DGLUCY: variants seen among roughly 807,000 people sequenced by gnomAD.
DGLUCY encodes the protein D-glutamate cyclase, mitochondrial.
In DGLUCY, 58 loss-of-function variants were observed where a neutral mutation model predicts 58.5. That is an observed-to-expected ratio of 0.99 (90% CI 0.80 to 1.23). The LOEUF (loss-of-function observed/expected upper bound fraction) is 1.23, where lower values mean the gene tolerates loss of function less well. Ranked by LOEUF, DGLUCY falls within the 50% of genes most tolerant of loss-of-function variation. DGLUCY has a pLI of 0.00. For synonymous variants in DGLUCY, 325 were observed against 314.1 expected (o/e 1.03, Z -0.37); for missense variants, 779 against 784.7 (o/e 0.99, Z 0.09).
chr14:91,214,855 T>G (rs1886268319), intron 12 of DGLUCY, among the ~76,000 whole-genome samples: 1 of 151,590 alleles, frequency 6.6e-6, no homozygotes, highest in Admixed American at 6.6e-5. Flanking sequence ...TAAAAAAAAT[T>G]AAAAATAAAA....
At chr14:91,177,735 C>T (rs753322273) in intron 7 of DGLUCY, among the ~76,000 whole-genome samples, 2 of 152,240 alleles carry the variant, frequency 1.3e-5, no homozygotes, top group Non-Finnish European at 2.9e-5. Flanking sequence ...TCAGAATGGC[C>T]TCATGCGAGG....
chr14:91,154,608 T>G lies in DGLUCY; in HGVS notation c.-81-3031T>G, dbSNP rs187134222. On this transcript the variant is annotated intron_variant, in intron 1 of 13. Transcript: ENST00000256324. ...AGGCTTGCGCAGTTCCCAGCTTGACTTTTCCCTTTGGCTTAGTGATTTTGG... is the reference window on the plus strand; with the variant it reads ...AGGCTTGCGCAGTTCCCAGCTTGACGTTTCCCTTTGGCTTAGTGATTTTGG... Among the ~76,000 whole-genome samples, 1,183 of 152,278 alleles carry G rather than the reference T, an allele frequency of 7.8e-3. 13 individuals carry two copies. Among genetic ancestry groups the G allele is most frequent in the African/African-American group, 0.027 (1,102 of 41,544 alleles).
Position 91,213,707 on chromosome 14 carries a change from T to C in DGLUCY, c.1565-1698T>C, listed in dbSNP as rs1886080844. On this transcript the variant is annotated intron_variant, in intron 12 of 13. Transcript: ENST00000256324. ...TCACTGAAGATTGTTTGTTTGTTTG[T>C]TTGTTTGTTTGTTACGGAGTCTTGG... is the stretch of plus-strand genomic sequence containing the variant. Among the ~76,000 whole-genome samples the C allele has an allele frequency of 1.3e-5, 2 of 151,988 alleles. 1 individual carries two copies. Among genetic ancestry groups the C allele is most frequent in the South Asian group, 4.2e-4 (2 of 4,818 alleles).
intron 1 of DGLUCY, among the ~76,000 whole-genome samples, chr14:91,082,054 A>C (rs1439676192): frequency 6.6e-6 from 1 of 152,160 alleles, no homozygotes; most frequent in South Asian, 2.1e-4. Flanking sequence ...TTCATCACGT[A>C]AAGTAACATA....
intron 1 of DGLUCY, among the ~76,000 whole-genome samples, chr14:91,087,089 T>G (rs2044234397): frequency 1.3e-5 from 2 of 151,894 alleles, no homozygotes; most frequent in Admixed American, 1.3e-4. Context: ...GTGAACAGAG[T>G]CTAGAAGTTT....
At chr14:91,083,229 C>T (rs952147459) in intron 1 of DGLUCY, among the ~76,000 whole-genome samples, 1 of 152,100 alleles carries the variant, frequency 6.6e-6, no homozygotes, top group African/African-American at 2.4e-5. Context: ...ACTTAAAGAA[C>T]AAAGAGAGAA....
At chr14:91,084,161 C>T (rs767129033) in intron 1 of DGLUCY, among the ~76,000 whole-genome samples, 61 of 151,098 alleles carry the variant, frequency 4.0e-4, no homozygotes, top group South Asian at 1.5e-3. Context: ...CCCATCTATT[C>T]GATTCCAAGC....
rs1044825300 is a variant in DGLUCY, at chr14:91,167,825, G to A, written c.257+447G>A. Reference sequence around the variant, plus strand: ...CTGGGTCGGTGTACCTCTCCCACGAGTCTACCTTTCCTATGGCACCAGCAC... The same window carrying A: ...CTGGGTCGGTGTACCTCTCCCACGAATCTACCTTTCCTATGGCACCAGCAC... On this transcript the variant is annotated intron_variant, in intron 4 of 13. Coordinates refer to ENST00000256324, the MANE Select transcript of DGLUCY (RefSeq NM_001102368.3). The A allele has an allele frequency of 3.3e-5, 20 of 615,302 alleles. No individual in the cohort carries two copies. The African/African-American group carries it at 3.7e-4, about 11-fold the overall frequency. 38.1% of individuals were successfully genotyped at this position (615,302 alleles called of 1,614,324 possible).
chr14:91,181,427 A>G, intron 8 of DGLUCY, 38 bp downstream of exon 8: 1 of 1,581,146 alleles, frequency 6.3e-7, no homozygotes, highest in Non-Finnish European at 8.6e-7. Context: ...AGACCCAGGT[A>G]AGAAACAACA....
upstream of DGLUCY, among the ~76,000 whole-genome samples, chr14:91,113,377 A>G (rs1333287698): frequency 2.6e-5 from 4 of 152,224 alleles, no homozygotes; most frequent in African/African-American, 9.6e-5. Context: ...TCCAAGGGTC[A>G]ATTGTATGGG....
intron 1 of DGLUCY, among the ~76,000 whole-genome samples, chr14:91,085,565 T>G (rs1336200278): frequency 6.8e-6 from 1 of 147,830 alleles, no homozygotes; most frequent in Non-Finnish European, 1.5e-5. Context: ...TTTTTTTTGT[T>G]TTTTTTTTTT....
chr14:91,201,574 G>A (rs901074605), intron 11 of DGLUCY, among the ~76,000 whole-genome samples: 4 of 152,040 alleles, frequency 2.6e-5, no homozygotes, highest in African/African-American at 9.7e-5. Flanking sequence ...TGGGATTACA[G>A]GTGTAAGCCA....
intron 1 of DGLUCY, among the ~76,000 whole-genome samples, chr14:91,150,560 G>A (rs1273178964): frequency 6.6e-6 from 1 of 151,974 alleles, no homozygotes; most frequent in East Asian, 1.9e-4. Flanking sequence ...TCCTGCCTCA[G>A]CCTCCTGAGT....
chr14:91,092,774 A>C (rs753656233), intron 1 of DGLUCY, among the ~76,000 whole-genome samples: 1 of 152,172 alleles, frequency 6.6e-6, no homozygotes, highest in Non-Finnish European at 1.5e-5. Flanking sequence ...CGGCTATCCA[A>C]CCATAATTGC....
intron 1 of DGLUCY, among the ~76,000 whole-genome samples, chr14:91,063,427 A>G (rs1446022968): frequency 6.6e-6 from 1 of 152,222 alleles, no homozygotes; most frequent in Non-Finnish European, 1.5e-5. Context: ...AACAAAGGCC[A>G]CATTTTTAAT....
At chr14:91,088,287 T>C (rs2044254049) in intron 1 of DGLUCY, among the ~76,000 whole-genome samples, 1 of 152,178 alleles carries the variant, frequency 6.6e-6, no homozygotes. Context: ...TAAAGCATCA[T>C]GTTTTGCTTC....
At chr14:91,179,038 CTT>C (rs988998339) in intron 7 of DGLUCY, among the ~76,000 whole-genome samples, 18 of 151,826 alleles carry the variant, frequency 1.2e-4, no homozygotes, top group African/African-American at 4.3e-4. Context: ...AAAAAAGAAA[CTT>C]TATTGTTTCT....
chr14:91,189,112 C>G lies in DGLUCY; in HGVS notation c.1137C>G (p.Ile379Met), dbSNP rs756627223. ...CCTTGGAGAAGGAGGTCGCCATAAT[C>G]GTTGACCAGAGAGCCTGGAACTTGC... ...LQALEKEVAI[I>M]VDQRAWNLHQ... Residue 379 changes from isoleucine (I) to methionine (M), a missense_variant, in exon 9 of 14, where the codon ATC becomes ATG. Transcript: ENST00000256324. The G allele has an allele frequency of 6.2e-7, 1 of 1,614,138 alleles. No homozygotes were observed. Among genetic ancestry groups the G allele is most frequent in the Non-Finnish European group, 8.5e-7 (1 of 1,180,026 alleles).
chr14:91,077,760 AAAAG>A (rs2044050852), intron 1 of DGLUCY, among the ~76,000 whole-genome samples: 3 of 135,718 alleles, frequency 2.2e-5, no homozygotes, highest in South Asian at 2.5e-4. Context: ...CAAAAAAAAA[AAAAG>A]AGAGAGAGAA....
Sources: gnomAD v4.1 joint callset for allele counts (sites outside exome capture counted in the v4.1 genomes callset) on GRCh38, gnomAD v4.1.1 for gene constraint, MANE v1.5 for transcripts, NCBI Gene and HGNC (gene_info 2026-07-23, HGNC 2026-07-21) for gene names.